The following LRRC17 variants were observed in gnomAD, a reference collection of about 807,000 sequenced individuals.
The protein encoded by LRRC17 is leucine-rich repeat-containing protein 17.
A neutral mutation model predicts 41.5 loss-of-function variants in LRRC17; 33 were observed. That is an observed-to-expected ratio of 0.80 (90% CI 0.60 to 1.06). The LOEUF (loss-of-function observed/expected upper bound fraction) is 1.06. Ranked by LOEUF, LRRC17 falls within the 50% of genes least tolerant of loss-of-function variation. LRRC17 has a pLI of 0.00. For synonymous variants in LRRC17, 192 were observed against 197.0 expected (o/e 0.97, Z 0.21); for missense variants, 491 against 519.3 (o/e 0.95, Z 0.53).
At chr7:102,937,552 A>G (rs946149529) in intron 2 of LRRC17, among the ~76,000 whole-genome samples, 1 of 151,336 alleles carries the variant, frequency 6.6e-6, no homozygotes, top group African/African-American at 2.4e-5. Context: ...TTTTAATACT[A>G]TCAGTACAAA....
At chr7:102,916,768 A>G (rs745634700) in intron 1 of LRRC17, among the ~76,000 whole-genome samples, 4 of 146,914 alleles carry the variant, frequency 2.7e-5, no homozygotes, top group Non-Finnish European at 5.9e-5. Flanking sequence ...ATCTTTTTCT[A>G]ATTATTTGAT....
chr7:102,928,753 A>G (rs1373564906), intron 1 of LRRC17, among the ~76,000 whole-genome samples: 3 of 152,224 alleles, frequency 2.0e-5, no homozygotes, highest in African/African-American at 4.8e-5. Flanking sequence ...CATCCACAGA[A>G]AGAGTAAATC....
intron 2 of LRRC17, among the ~76,000 whole-genome samples, chr7:102,938,208 C>G (rs548907836): frequency 6.6e-6 from 1 of 152,220 alleles, no homozygotes; most frequent in African/African-American, 2.4e-5. Context: ...TTTAGCTTCA[C>G]ATTGACCAGA....
rs565968064 is a variant in LRRC17, at chr7:102,915,124, T to A, written c.-141+1979T>A. ...ATTTGTTAAGTGGAGATTAAAATAT[T>A]TTTTTTTTTTTTTTTTTTACACTGA... is the stretch of plus-strand genomic sequence containing the variant. On this transcript the variant is annotated intron_variant, in intron 1 of 3. Transcript: ENST00000339431. Among the ~76,000 whole-genome samples, 70 of 137,844 alleles carry A rather than the reference T, an allele frequency of 5.1e-4. No homozygotes were observed. In the East Asian group the frequency reaches 5.2e-3, roughly 10 times the overall value. The allele number at this position is 137,844 out of a possible 152,430, so 90.4% of individuals were successfully genotyped here. A position where few individuals can be genotyped will look rare whatever the true frequency, so the allele number is the denominator to read the frequency against.
intron 1 of LRRC17, among the ~76,000 whole-genome samples, chr7:102,929,615 G>A (rs1483554167): frequency 7.5e-6 from 1 of 134,218 alleles, no homozygotes; most frequent in African/African-American, 2.8e-5. Context: ...AGTGAGCCAC[G>A]ATGGCACCAC....
At chr7:102,941,420 C>G (rs1184097198) in intron 3 of LRRC17, among the ~76,000 whole-genome samples, 1 of 152,102 alleles carries the variant, frequency 6.6e-6, no homozygotes, top group Non-Finnish European at 1.5e-5. Context: ...ACTTCCCAAG[C>G]CCCTACCTAG....
intron 1 of LRRC17, among the ~76,000 whole-genome samples, chr7:102,913,669 G>A (rs1815222875): frequency 6.6e-6 from 1 of 152,322 alleles, no homozygotes; most frequent in East Asian, 1.9e-4. Context: ...TGTTACAGGA[G>A]AGTGAGGATT....
At chr7:102,940,696 C>T (rs1821256514) in intron 3 of LRRC17, among the ~76,000 whole-genome samples, 1 of 152,200 alleles carries the variant, frequency 6.6e-6, no homozygotes, top group African/African-American at 2.4e-5. Flanking sequence ...TTCTCTTTCC[C>T]ATCCTTCAAA....
intron 1 of LRRC17, chr7:102,932,015 T>C (rs1819274541): frequency 5.5e-6 from 7 of 1,281,352 alleles, no homozygotes; most frequent in South Asian, 1.3e-5. Flanking sequence ...TTGAATGCAA[T>C]GTATTCATTA....
At chr7:102,913,356 T>C in intron 1 of LRRC17, 1 of 968,506 alleles carries the variant, frequency 1.0e-6, no homozygotes, top group Admixed American at 2.5e-5. Flanking sequence ...CTGTTAACTC[T>C]CTACCTGTTA....
chr7:102,923,446 CATAA>C, intron 1 of LRRC17, among the ~76,000 whole-genome samples: 1 of 152,256 alleles, frequency 6.6e-6, no homozygotes, highest in South Asian at 2.1e-4. Flanking sequence ...ATACAATGGA[CATAA>C]ATAACTACAA....
chr7:102,940,204 AC>A lies in LRRC17; in HGVS notation c.928+620del, dbSNP rs575464389. 4.4e-3 allele frequency among the ~76,000 whole-genome samples: 551 copies of A among 126,524 alleles called. 6 individuals are homozygous for A. Among genetic ancestry groups the A allele is most frequent in the African/African-American group, 0.016 (544 of 33,210 alleles). The allele number at this position is 126,524 out of a possible 152,430, so 83.0% of individuals were successfully genotyped here. On this transcript the variant is annotated intron_variant, in intron 3 of 3. Coordinates refer to ENST00000339431, the MANE Select transcript of LRRC17 (RefSeq NM_001031692.3). ...CCACCGCGCCTGGCCAAATGTAGTGACTTTTTTTGTTTGTTTTTTTTTTTGA... is the reference window on the plus strand; with the variant it reads ...CCACCGCGCCTGGCCAAATGTAGTGATTTTTTTGTTTGTTTTTTTTTTTGA...
At position 102,944,435 on chromosome 7, in the gene LRRC17, A is replaced by C. The variant is rs752582239; in HGVS notation, c.1154A>C (p.Lys385Thr). 2 of 1,614,078 alleles carry C rather than the reference A, an allele frequency of 1.2e-6. No individual in the cohort carries two copies. Among genetic ancestry groups the C allele is most frequent in the Non-Finnish European group, 1.7e-6 (2 of 1,179,966 alleles). The change falls in exon 4 of 4, where the codon AAA becomes ACA. Residue 385 changes from lysine (K) to threonine (T), a missense_variant. Coordinates refer to ENST00000339431, the MANE Select transcript of LRRC17 (RefSeq NM_001031692.3). ...GAATGCAAAACGCCTGAAGAATACA[A>C]AGGATGGTCTGTGGGAAAATATATT... ...GLECKTPEEYKGWSVGKYIRS... is the reference protein window; with the variant it reads ...GLECKTPEEYTGWSVGKYIRS...
rs1316541250 is a variant in LRRC17, at chr7:102,944,198, TTC to T, written c.929-10_929-9del. ...CAATTACTCAGGCTCAATAAATATTTTCTGTTTCCAGCCGCTTTTTTAGGGCT... is the reference window on the plus strand; with the variant it reads ...CAATTACTCAGGCTCAATAAATATTTTGTTTCCAGCCGCTTTTTTAGGGCT... On this transcript the variant is annotated splice_polypyrimidine_tract_variant and intron_variant, in intron 3 of 3. Transcript: ENST00000339431. 1.3e-6 allele frequency: 2 copies of T among 1,586,238 alleles called. No individual in the cohort carries two copies. Among genetic ancestry groups the T allele is most frequent in the East Asian group, 2.2e-5 (1 of 44,814 alleles).
chr7:102,925,594 A>AG (rs1400584269), intron 1 of LRRC17, among the ~76,000 whole-genome samples: 1 of 152,150 alleles, frequency 6.6e-6, no homozygotes, highest in Non-Finnish European at 1.5e-5. Flanking sequence ...GCATGGGAAC[A>AG]GGGATCTGGG....
intron 1 of LRRC17, 199 bp downstream of exon 1, chr7:102,913,344 T>A: frequency 9.2e-7 from 1 of 1,083,374 alleles, no homozygotes; most frequent in Non-Finnish European, 1.3e-6. Flanking sequence ...CATTTAACTT[T>A]ACTGTTAACT....
At chr7:102,921,162 G>A (rs564936362) in intron 1 of LRRC17, among the ~76,000 whole-genome samples, 5 of 151,712 alleles carry the variant, frequency 3.3e-5, no homozygotes, top group Admixed American at 1.3e-4. Flanking sequence ...AAAACAAAGC[G>A]AATTCAAGGC....
intron 2 of LRRC17, among the ~76,000 whole-genome samples, chr7:102,935,825 G>A (rs1174303792): frequency 1.3e-5 from 2 of 152,198 alleles, no homozygotes; most frequent in African/African-American, 2.4e-5. Context: ...ATAGAGCACA[G>A]TATCATTTCT....
intron 1 of LRRC17, among the ~76,000 whole-genome samples, chr7:102,916,379 G>A (rs994230785): frequency 2.0e-5 from 3 of 152,122 alleles, no homozygotes; most frequent in Admixed American, 2.0e-4. Flanking sequence ...CCCCAGCTAA[G>A]AACCTCTGGT....
Sources: gnomAD v4.1 joint callset for allele counts (sites outside exome capture counted in the v4.1 genomes callset) on GRCh38, gnomAD v4.1.1 for gene constraint, MANE v1.5 for transcripts, NCBI Gene and HGNC (gene_info 2026-07-23, HGNC 2026-07-21) for gene names.